The following ANK2 variants were observed in gnomAD, a reference collection of about 807,000 sequenced individuals.
The protein encoded by ANK2 is ankyrin 2.
A neutral mutation model predicts 360.5 loss-of-function variants in ANK2; 83 were observed. The observed-to-expected ratio is 0.23, with a 90% CI of 0.19 to 0.28. ANK2 has a LOEUF of 0.28. Ranked by LOEUF, ANK2 falls within the 10% of genes least tolerant of loss-of-function variation. The probability of loss-of-function intolerance (pLI) is 1.00; values close to 1 mark genes in which losing one functional copy is unlikely to be tolerated. For synonymous variants in ANK2, 1,740 were observed against 1,759.5 expected (o/e 0.99, Z 0.28); for missense variants, 4,201 against 4,795.7 (o/e 0.88, Z 3.66).
At chr4:113,276,599 C>G (rs1185091276) in intron 15 of ANK2, among the ~76,000 whole-genome samples, 1 of 152,092 alleles carries the variant, frequency 6.6e-6, no homozygotes, top group Non-Finnish European at 1.5e-5. Flanking sequence ...AGAGCTCTAA[C>G]CACAAATGCT....
chr4:113,108,791 A>G (rs2093959029), intron 1 of ANK2, among the ~76,000 whole-genome samples: 1 of 152,156 alleles, frequency 6.6e-6, no homozygotes, highest in Admixed American at 6.5e-5. Flanking sequence ...AGTTGGGTTA[A>G]ATATTGCCCA....
rs59647302 is a variant in ANK2 at position 113,296,617 on chromosome 4, A to G, written c.2475+3079A>G. ...CCACTTCTGTAGAAACTTCTGAGAC[A>G]TTTTGGAATCGTAGTTTGTTTCCTT... On this transcript the variant is annotated intron_variant, in intron 22 of 45. Coordinates refer to ENST00000357077, the MANE Select transcript of ANK2 (RefSeq NM_001148.6). Among the ~76,000 whole-genome samples, 815 of 152,302 alleles carry G rather than the reference A, an allele frequency of 5.4e-3. 7 individuals are homozygous for G. The highest frequency in any genetic ancestry group is 0.018 in the African/African-American group (766 of 41,576).
At chr4:113,283,392 A>G (rs1022985968) in intron 18 of ANK2, among the ~76,000 whole-genome samples, 7 of 152,156 alleles carry the variant, frequency 4.6e-5, no homozygotes, top group Non-Finnish European at 1.0e-4. Flanking sequence ...ACTCAATAAA[A>G]TACAGATTTT....
intron 1 of ANK2, among the ~76,000 whole-genome samples, chr4:113,143,679 A>G: frequency 6.6e-6 from 1 of 152,216 alleles, no homozygotes; most frequent in East Asian, 1.9e-4. Flanking sequence ...AATAGTTCAT[A>G]TATGTTCAAG....
At chr4:112,890,488 A>G (rs1468840752) in intron 1 of ANK2, among the ~76,000 whole-genome samples, 1 of 151,646 alleles carries the variant, frequency 6.6e-6, no homozygotes, top group East Asian at 1.9e-4. Context: ...GTTTTCCTAC[A>G]TAATTCCCAA....
chr4:113,219,456 ATAAACT>A (rs2099124736), intron 4 of ANK2, among the ~76,000 whole-genome samples: 2 of 152,024 alleles, frequency 1.3e-5, no homozygotes, highest in African/African-American at 2.4e-5. Context: ...TTAATCTAAA[ATAAACT>A]TAATATTTCT....
intron 4 of ANK2, among the ~76,000 whole-genome samples, chr4:113,203,574 C>T (rs1005412993): frequency 6.6e-6 from 1 of 152,084 alleles, no homozygotes; most frequent in African/African-American, 2.4e-5. Flanking sequence ...TGAATATATG[C>T]ATGTATACTC....
intron 1 of ANK2, among the ~76,000 whole-genome samples, chr4:112,895,340 C>T (rs550399736): frequency 3.3e-5 from 5 of 152,252 alleles, no homozygotes; most frequent in African/African-American, 4.8e-5. Flanking sequence ...GCCTTTTAAT[C>T]GTCCCTTTCA....
chr4:113,268,050 T>C (rs1212149075), intron 14 of ANK2, among the ~76,000 whole-genome samples: 2 of 152,192 alleles, frequency 1.3e-5, no homozygotes, highest in African/African-American at 4.8e-5. Flanking sequence ...GCCTCTCTGT[T>C]TGTCTATTAT....
At chr4:113,287,114 CT>C (rs1291151346) in intron 18 of ANK2, among the ~76,000 whole-genome samples, 11 of 152,142 alleles carry the variant, frequency 7.2e-5, no homozygotes, top group Non-Finnish European at 1.6e-4. Flanking sequence ...AAAGTATACC[CT>C]CTTTGGGTGC....
At chr4:113,016,560 G>T (rs1022706411) in intron 2 of ANK2, among the ~76,000 whole-genome samples, 1 of 152,084 alleles carries the variant, frequency 6.6e-6, no homozygotes, top group African/African-American at 2.4e-5. Context: ...GCCTTGCATA[G>T]GGCTAAAAAG....
the ANK2 span, among the ~76,000 whole-genome samples, chr4:112,804,017 T>G: frequency 6.0e-5 from 9 of 150,854 alleles, no homozygotes; most frequent in East Asian, 1.9e-4. Context: ...TCTCACGGTT[T>G]TTTTTTTTTT....
chr4:112,952,263 T>C (rs1238066118), intron 2 of ANK2, among the ~76,000 whole-genome samples: 3 of 152,348 alleles, frequency 2.0e-5, no homozygotes, highest in East Asian at 3.9e-4. Context: ...CGGTAAAATG[T>C]AGTAAATGTA....
At chr4:113,210,198 T>C (rs926802861) in intron 4 of ANK2, among the ~76,000 whole-genome samples, 3 of 152,218 alleles carry the variant, frequency 2.0e-5, no homozygotes, top group Admixed American at 1.3e-4. Context: ...ATTTCTATGC[T>C]TGGGGAGCCT....
At chr4:113,197,538 A>G (rs1322998486) in intron 3 of ANK2, among the ~76,000 whole-genome samples, 6 of 152,208 alleles carry the variant, frequency 3.9e-5, no homozygotes, top group Non-Finnish European at 5.9e-5. Flanking sequence ...GAAGTCAGGC[A>G]CTCTGGTCTC....
chr4:112,738,021 T>A, the ANK2 span, among the ~76,000 whole-genome samples: 1 of 152,216 alleles, frequency 6.6e-6, no homozygotes, highest in Non-Finnish European at 1.5e-5. Context: ...GCAACCTTGA[T>A]GTATAAGAGA....
intron 2 of ANK2, among the ~76,000 whole-genome samples, chr4:113,014,147 A>G (rs1046584426): frequency 2.0e-5 from 3 of 152,184 alleles, no homozygotes; most frequent in Non-Finnish European, 4.4e-5. Context: ...TATTTTATGG[A>G]GACCCCAAAA....
intron 1 of ANK2, among the ~76,000 whole-genome samples, chr4:112,840,298 A>G (rs1215823537): frequency 2.6e-5 from 4 of 152,188 alleles, no homozygotes; most frequent in African/African-American, 9.7e-5. Context: ...TAATAGGGAG[A>G]TACAGTGATA....
intron 1 of ANK2, among the ~76,000 whole-genome samples, chr4:113,066,684 T>G (rs2075726942): frequency 6.6e-6 from 1 of 151,642 alleles, no homozygotes; most frequent in Admixed American, 6.6e-5. Context: ...GAAAGTGGAG[T>G]CTGAGCCATC....
Sources: gnomAD v4.1 joint callset for allele counts (sites outside exome capture counted in the v4.1 genomes callset) on GRCh38, gnomAD v4.1.1 for gene constraint, MANE v1.5 for transcripts, NCBI Gene and HGNC (gene_info 2026-07-23, HGNC 2026-07-21) for gene names.